ATP8A2: variants seen among roughly 807,000 people sequenced by gnomAD.
The protein encoded by ATP8A2 is phospholipid-transporting ATPase IB.
Under a neutral mutation model 165.6 loss-of-function variants are expected in ATP8A2, and 100 were observed. The ratio of observed to expected loss-of-function variants is 0.60; its 90% confidence interval spans 0.51 to 0.71. ATP8A2 has a LOEUF of 0.71. Among genes scored for constraint, ATP8A2 ranks in the 30% least tolerant of loss-of-function variants. The pLI is 0.00. For synonymous variants in ATP8A2, 543 were observed against 548.8 expected (o/e 0.99, Z 0.15); for missense variants, 1,227 against 1,479.5 (o/e 0.83, Z 2.80).
intron 16 of ATP8A2, 88 bp from the exon 17 acceptor site, chr13:25,570,679 C>A: frequency 9.8e-7 from 1 of 1,021,766 alleles, no homozygotes; most frequent in Non-Finnish European, 1.5e-6. Context: ...AATAGGATGA[C>A]TGGATGTTAG....
At chr13:25,510,451 T>A (rs2037189186) in intron 2 of ATP8A2, among the ~76,000 whole-genome samples, 1 of 152,206 alleles carries the variant, frequency 6.6e-6, no homozygotes, top group African/African-American at 2.4e-5. Flanking sequence ...TGATTTCCAT[T>A]TAAAGGGGAA....
chr13:25,568,742 CA>C (rs2039386487), intron 16 of ATP8A2, among the ~76,000 whole-genome samples: 1 of 152,018 alleles, frequency 6.6e-6, no homozygotes, highest in Non-Finnish European at 1.5e-5. Context: ...TTTATACTTA[CA>C]AATGGTTAAA....
At chr13:25,852,660 G>C (rs2138716711) in intron 30 of ATP8A2, among the ~76,000 whole-genome samples, 1 of 152,064 alleles carries the variant, frequency 6.6e-6, no homozygotes, top group South Asian at 2.1e-4. Context: ...CAGTTAATTA[G>C]TACAAACTCT....
chr13:25,391,685 C>T (rs2033253589), intron 1 of ATP8A2, among the ~76,000 whole-genome samples: 1 of 152,186 alleles, frequency 6.6e-6, no homozygotes, highest in African/African-American at 2.4e-5. Flanking sequence ...AAAGCTGCAG[C>T]ATTGTAGCTT....
chr13:25,522,893 T>C (rs892855709), intron 2 of ATP8A2, among the ~76,000 whole-genome samples: 1 of 152,044 alleles, frequency 6.6e-6, no homozygotes, highest in African/African-American at 2.4e-5. Context: ...GGAGGCCAAG[T>C]TGGGTGAATC....
intron 2 of ATP8A2, among the ~76,000 whole-genome samples, chr13:25,515,539 A>G (rs2037440351): frequency 6.6e-6 from 1 of 152,220 alleles, no homozygotes; most frequent in African/African-American, 2.4e-5. Flanking sequence ...GGCATGTTCA[A>G]CTTGTCTGGC....
At chr13:25,516,750 A>T in intron 2 of ATP8A2, among the ~76,000 whole-genome samples, 2 of 149,890 alleles carry the variant, frequency 1.3e-5, no homozygotes, top group African/African-American at 2.5e-5. Context: ...CATGAAGTTC[A>T]CATTTTTTCT....
intron 27 of ATP8A2, among the ~76,000 whole-genome samples, chr13:25,783,370 A>G (rs953151804): frequency 3.9e-5 from 6 of 152,260 alleles, no homozygotes; most frequent in African/African-American, 1.4e-4. Context: ...AAAAATGGGA[A>G]TTAACTAGAA....
At chr13:25,729,585 C>G (rs1008041633) in intron 25 of ATP8A2, among the ~76,000 whole-genome samples, 1 of 152,134 alleles carries the variant, frequency 6.6e-6, no homozygotes, top group Non-Finnish European at 1.5e-5. Context: ...TGTCGCGACA[C>G]GTGTGTCTTT....
At chr13:25,926,298 A>G (rs1002256933) in intron 33 of ATP8A2, among the ~76,000 whole-genome samples, 2 of 151,766 alleles carry the variant, frequency 1.3e-5, no homozygotes, top group Non-Finnish European at 2.9e-5. Context: ...AGGGTCGTCT[A>G]TTTTTCCCAT....
chr13:26,014,515 G>A (rs1956922424), intron 36 of ATP8A2, among the ~76,000 whole-genome samples: 1 of 152,124 alleles, frequency 6.6e-6, no homozygotes, highest in African/African-American at 2.4e-5. Context: ...TGAGATCATT[G>A]GGTGAGTTTC....
intron 2 of ATP8A2, among the ~76,000 whole-genome samples, chr13:25,511,492 T>C (rs2037223506): frequency 6.6e-6 from 1 of 152,150 alleles, no homozygotes; most frequent in Admixed American, 6.6e-5. Context: ...GGTGGGGGGT[T>C]GCTTTCTTGA....
intron 36 of ATP8A2, among the ~76,000 whole-genome samples, chr13:26,016,514 C>A (rs935151088): frequency 1.3e-5 from 2 of 152,156 alleles, no homozygotes; most frequent in Admixed American, 1.3e-4. Context: ...TAGACACAGG[C>A]ATGTTATGGA....
chr13:25,642,620 T>C (rs1174382443), intron 24 of ATP8A2, among the ~76,000 whole-genome samples: 3 of 152,138 alleles, frequency 2.0e-5, no homozygotes, highest in Non-Finnish European at 4.4e-5. Flanking sequence ...TGTGGAGAAA[T>C]AGGAAGACTT....
At chr13:25,513,012 A>G (rs1343105060) in intron 2 of ATP8A2, among the ~76,000 whole-genome samples, 1 of 84,884 alleles carries the variant, frequency 1.2e-5, no homozygotes. Flanking sequence ...CGGGGGGCTG[A>G]CCCCCCCCAC....
At chr13:25,514,961 C>T (rs746559016) in intron 2 of ATP8A2, among the ~76,000 whole-genome samples, 5 of 152,150 alleles carry the variant, frequency 3.3e-5, no homozygotes, top group Non-Finnish European at 7.3e-5. Flanking sequence ...TCCAGTTGAA[C>T]ATTATTCTGA....
At chr13:25,884,941 A>G (rs910746547) in intron 33 of ATP8A2, among the ~76,000 whole-genome samples, 1 of 151,874 alleles carries the variant, frequency 6.6e-6, no homozygotes, top group Admixed American at 6.6e-5. Context: ...GAACACAGGA[A>G]CTCTCTACAG....
chr13:25,660,655 G>GA (rs879463851), intron 24 of ATP8A2, among the ~76,000 whole-genome samples: 62 of 145,778 alleles, frequency 4.3e-4, no homozygotes, highest in Non-Finnish European at 5.5e-4. Context: ...AACATAGAAG[G>GA]AAAAAAAAAA....
intron 1 of ATP8A2, among the ~76,000 whole-genome samples, chr13:25,377,057 A>G (rs1430904398): frequency 6.6e-6 from 1 of 152,232 alleles, no homozygotes; most frequent in South Asian, 2.1e-4. Context: ...TTTTACATTT[A>G]CAACGGATGT....
Sources: allele counts gnomAD v4.1 joint callset (sites outside exome capture counted in the v4.1 genomes callset), GRCh38; gene constraint gnomAD v4.1.1; transcripts MANE v1.5; gene names NCBI Gene and HGNC (gene_info 2026-07-23, HGNC 2026-07-21).